LIMCH1: variants seen among roughly 807,000 people sequenced by gnomAD.
LIMCH1 encodes the protein LIM and calponin homology domains 1.
In LIMCH1, 113 loss-of-function variants were observed where a neutral mutation model predicts 176.5. The observed-to-expected ratio is 0.64, with a 90% CI of 0.55 to 0.75. The LOEUF (loss-of-function observed/expected upper bound fraction) is 0.75. Among genes scored for constraint, LIMCH1 ranks in the 30% least tolerant of loss-of-function variants. The pLI is 0.00. For synonymous variants in LIMCH1, 619 were observed against 645.9 expected (o/e 0.96, Z 0.63); for missense variants, 1,674 against 1,814.9 (o/e 0.92, Z 1.41).
intron 1 of LIMCH1, among the ~76,000 whole-genome samples, chr4:41,550,820 A>G (rs993124685): frequency 6.6e-6 from 1 of 152,180 alleles, no homozygotes; most frequent in Non-Finnish European, 1.5e-5. Flanking sequence ...ATTAAGTTAT[A>G]GTTGGGGGAA....
intron 28 of LIMCH1, 31 bp from the exon 29 acceptor site, chr4:41,687,809 C>T: frequency 6.9e-7 from 1 of 1,440,496 alleles, no homozygotes; most frequent in Non-Finnish European, 9.7e-7. Context: ...CTTTGCTTGT[C>T]ATAATTTTTG....
chr4:41,515,220 TG>T (rs2075426808), intron 2 of LIMCH1, among the ~76,000 whole-genome samples: 1 of 152,196 alleles, frequency 6.6e-6, no homozygotes, highest in Non-Finnish European at 1.5e-5. Flanking sequence ...GTGGCTGCGG[TG>T]ATCACGCAGC....
intron 18 of LIMCH1, among the ~76,000 whole-genome samples, chr4:41,653,336 T>TAAA (rs11288179): frequency 1.4e-5 from 2 of 141,964 alleles, no homozygotes; most frequent in Non-Finnish European, 3.1e-5. Flanking sequence ...ATACTCCTGT[T>TAAA]AAAAAAAAAA....
intron 7 of LIMCH1, among the ~76,000 whole-genome samples, chr4:41,624,296 A>C (rs1438197866): frequency 2.0e-5 from 3 of 152,108 alleles, no homozygotes; most frequent in Non-Finnish European, 2.9e-5. Context: ...GGGGAAAACA[A>C]GGCAGGGGGT....
At position 41,590,491 on chromosome 4, in the gene LIMCH1, C is replaced by G. The variant is rs543461265; in HGVS notation, c.-240-8429C>G. On this transcript the variant is annotated intron_variant, in intron 1 of 31. Coordinates refer to ENST00000503057, the MANE Select transcript of LIMCH1 (RefSeq NM_001330672.2). ...AAACAAAGCTAGGATCCCAGGACTC[C>G]TGTTCTCATGAGCTGGTCTGGCTTC... Among the ~76,000 whole-genome samples the G allele has an allele frequency of 9.5e-4, 144 of 152,244 alleles. 3 individuals are homozygous for G. In the South Asian group the frequency reaches 0.029, roughly 31 times the overall value.
At chr4:41,695,858 G>T (rs1730230095) in intron 31 of LIMCH1, among the ~76,000 whole-genome samples, 2 of 152,088 alleles carry the variant, frequency 1.3e-5, no homozygotes, top group African/African-American at 4.8e-5. Context: ...GGATTGAGAA[G>T]TATAAATATG....
chr4:41,543,986 T>G (rs2079026113), intron 1 of LIMCH1, among the ~76,000 whole-genome samples: 2 of 152,180 alleles, frequency 1.3e-5, no homozygotes, highest in Non-Finnish European at 2.9e-5. Context: ...TATTTTTATG[T>G]GAAATTCAAC....
At chr4:41,435,413 A>ATTAAATT (rs2061986033) in intron 1 of LIMCH1, among the ~76,000 whole-genome samples, 1 of 152,222 alleles carries the variant, frequency 6.6e-6, no homozygotes, top group South Asian at 2.1e-4. Flanking sequence ...CCCTGCCAAC[A>ATTAAATT]TCTGGACATT....
At chr4:41,369,939 A>AGT (rs113302113) in intron 1 of LIMCH1, among the ~76,000 whole-genome samples, 3,165 of 138,324 alleles carry the variant, frequency 0.023, 88 homozygotes, top group East Asian at 0.077. Flanking sequence ...CAGGAAGCAA[A>AGT]GTGTGTGTGT....
chr4:41,495,399 A>G (rs1316343222), intron 2 of LIMCH1, among the ~76,000 whole-genome samples: 1 of 152,178 alleles, frequency 6.6e-6, no homozygotes, highest in Non-Finnish European at 1.5e-5. Context: ...TCAAGATATG[A>G]AACAAAAAGT....
intron 1 of LIMCH1, among the ~76,000 whole-genome samples, chr4:41,423,017 C>G (rs909294197): frequency 3.9e-5 from 6 of 152,138 alleles, no homozygotes; most frequent in African/African-American, 1.2e-4. Flanking sequence ...CTTGGCCTCC[C>G]AAAGTGCTGG....
chr4:41,494,446 C>T (rs539207807), intron 1 of LIMCH1: 1 of 821,556 alleles, frequency 1.2e-6, no homozygotes, highest in East Asian at 2.5e-5. Flanking sequence ...TATATATGTA[C>T]ACACACATAC....
At chr4:41,689,441 C>A in intron 29 of LIMCH1, 86 bp from the exon 30 acceptor site, 1 of 700,638 alleles carries the variant, frequency 1.4e-6, no homozygotes, top group South Asian at 1.6e-5. Flanking sequence ...TCCATATTTT[C>A]ATTTTTGCAT....
Position 41,370,395 on chromosome 4 carries a change from C to A in LIMCH1, c.96+9459C>A, listed in dbSNP as rs904328453. ...GACAGGTATTTTTAAAGGAAAAAAA[C>A]CCAAAATAACTGACTAGTAGCTGGT... On this transcript the variant is annotated intron_variant, in intron 1 of 26. Coordinates refer to the LIMCH1 transcript ENST00000313860. Among the ~76,000 whole-genome samples the A allele has an allele frequency of 1.6e-4, 24 of 151,454 alleles. No homozygotes were observed. In the South Asian group the frequency reaches 3.4e-3, roughly 21 times the overall value.
intron 3 of LIMCH1, among the ~76,000 whole-genome samples, chr4:41,529,003 G>A (rs751714086): frequency 5.9e-5 from 9 of 152,210 alleles, no homozygotes; most frequent in Non-Finnish European, 1.3e-4. Context: ...ATATGAAGCC[G>A]TGTGGTGACT....
At chr4:41,491,774 C>G (rs143986150) in intron 1 of LIMCH1, among the ~76,000 whole-genome samples, 1 of 141,266 alleles carries the variant, frequency 7.1e-6, no homozygotes, top group African/African-American at 2.7e-5. Context: ...TCGGGGCAGC[C>G]GGGCAGAGGC....
At chr4:41,502,998 T>TCC (rs1561567316) in intron 2 of LIMCH1, among the ~76,000 whole-genome samples, 1 of 60,680 alleles carries the variant, frequency 1.6e-5, no homozygotes, top group Admixed American at 2.1e-4. Flanking sequence ...CTGGTCTGTC[T>TCC]GTCCATCCAT....
At chr4:41,669,885 A>T (rs1466311967) in intron 21 of LIMCH1, among the ~76,000 whole-genome samples, 1 of 152,112 alleles carries the variant, frequency 6.6e-6, no homozygotes, top group Non-Finnish European at 1.5e-5. Flanking sequence ...CACACCTAAC[A>T]CTTTCTCCCC....
chr4:41,699,547 CA>C lies in LIMCH1; in HGVS notation c.*2365del, dbSNP rs909763352. The C allele has an allele frequency of 2.9e-4, 44 of 151,002 alleles. No individual in the cohort carries two copies. Among genetic ancestry groups the C allele is most frequent in the African/African-American group, 1.1e-3 (44 of 41,090 alleles). The allele number at this position is 151,002 out of a possible 1,614,324, so 9.4% of individuals were successfully genotyped here. The stretch of plus-strand genomic sequence containing the variant: ...ATAATGAGTATGATCTATTTCTTTT[CA>C]AATAATCTTTGAGATCCCAGGAAAA... On this transcript the variant is annotated 3_prime_UTR_variant, in exon 32 of 32. Coordinates refer to ENST00000503057, the MANE Select transcript of LIMCH1 (RefSeq NM_001330672.2).
Sources: allele counts gnomAD v4.1 joint callset (sites outside exome capture counted in the v4.1 genomes callset), GRCh38; gene constraint gnomAD v4.1.1; transcripts MANE v1.5; gene names NCBI Gene and HGNC (gene_info 2026-07-23, HGNC 2026-07-21).